The following SCAF4 variants were observed in gnomAD, a reference collection of about 807,000 sequenced individuals.
SCAF4 encodes the protein SR-related CTD associated factor 4, also known as SR-related and CTD-associated factor 4.
SCAF4 carries 25 observed loss-of-function variants against 129.8 expected under a neutral mutation model. The ratio of observed to expected loss-of-function variants is 0.19; its 90% confidence interval spans 0.14 to 0.27. SCAF4 has a LOEUF of 0.27. Among genes scored for constraint, SCAF4 ranks in the 10% least tolerant of loss-of-function variants. The pLI is 1.00. For synonymous variants in SCAF4, 551 were observed against 497.7 expected (o/e 1.11, Z -1.43); for missense variants, 1,246 against 1,457.1 (o/e 0.86, Z 2.36).
At chr21:31,712,054 G>C (rs2050811046) in intron 1 of SCAF4, among the ~76,000 whole-genome samples, 1 of 152,026 alleles carries the variant, frequency 6.6e-6, no homozygotes, top group Non-Finnish European at 1.5e-5. Context: ...TTATGTTTTA[G>C]AACTCAATTT....
Position 31,700,046 on chromosome 21 carries a change from G to A in SCAF4, c.777+949C>T, listed in dbSNP as rs556837966. On this transcript the variant is annotated intron_variant, in intron 7 of 19. Coordinates refer to ENST00000286835, the MANE Select transcript of SCAF4 (RefSeq NM_020706.2). ...CACAATCATGGCTTACTGCAGCTTT[G>A]AATTCCTGGGGCCAAGCAACCCACC... 9.2e-5 allele frequency among the ~76,000 whole-genome samples: 14 copies of A among 151,760 alleles called. No homozygotes were observed. In the South Asian group the frequency reaches 2.9e-3, roughly 32 times the overall value.
chr21:31,689,427 A>G (rs953471416), intron 15 of SCAF4, among the ~76,000 whole-genome samples: 2 of 149,584 alleles, frequency 1.3e-5, no homozygotes, highest in Admixed American at 1.3e-4. Flanking sequence ...CGTTCCAAGT[A>G]GCTGGGATTA....
At chr21:31,723,085 G>A (rs1031298601) in intron 1 of SCAF4, among the ~76,000 whole-genome samples, 14 of 152,220 alleles carry the variant, frequency 9.2e-5, no homozygotes, top group African/African-American at 2.2e-4. Flanking sequence ...ATTTGTGTAT[G>A]TGTTGCTGTA....
At position 31,671,688 on chromosome 21, in the gene SCAF4, C is replaced by T. The variant is rs1450213621; in HGVS notation, c.3155G>A (p.Arg1052His). Residue 1052 changes from arginine (R) to histidine (H), a missense_variant, in exon 20 of 20, where the codon CGC (arginine) becomes CAC (histidine). Arg to His is a conservative substitution (Grantham distance 29, BLOSUM62 0). This residue lies in a region of SCAF4 where 339 missense variants were observed against 325.0 expected (regional missense o/e 1.04). Transcript: ENST00000286835. Reference protein sequence around the residue: ...RHRDLEERNRRSSGHRDRERD... With the variant: ...RHRDLEERNRHSSGHRDRERD... Reference sequence around the variant, plus strand: ...CTCTCTGTCTCGATGCCCACTAGAGCGTCTATTTCTCTCTTCCAAGTCTCT... The same window carrying T: ...CTCTCTGTCTCGATGCCCACTAGAGTGTCTATTTCTCTCTTCCAAGTCTCT... The T allele has an allele frequency of 6.2e-7, 1 of 1,613,800 alleles. No individual in the cohort carries two copies.
intron 19 of SCAF4, among the ~76,000 whole-genome samples, chr21:31,677,027 A>AT (rs1208323536): frequency 6.6e-6 from 1 of 152,058 alleles, no homozygotes; most frequent in African/African-American, 2.4e-5. Flanking sequence ...TAAGTCCTTC[A>AT]TTTTTTATTA....
chr21:31,687,120 AATG>A (rs1399750588), intron 16 of SCAF4, among the ~76,000 whole-genome samples: 1 of 152,214 alleles, frequency 6.6e-6, no homozygotes, highest in East Asian at 1.9e-4. Flanking sequence ...ACATTGAGAA[AATG>A]AAGACACAAT....
chr21:31,696,901 T>C (rs917364312), intron 7 of SCAF4, 151 bp from the exon 8 acceptor site: 36 of 615,264 alleles, frequency 5.9e-5, no homozygotes, highest in African/African-American at 4.8e-4. Context: ...GGACCTTGGT[T>C]TGTAGATATA....
rs755768618 is a variant in SCAF4, at chr21:31,671,353, T to C, written c.*46A>G. 6.3e-7 allele frequency: 1 copy of C among 1,582,258 alleles called. No individual in the cohort carries two copies. Among genetic ancestry groups the C allele is most frequent in the Non-Finnish European group, 8.6e-7 (1 of 1,163,974 alleles). On this transcript the variant is annotated 3_prime_UTR_variant, in exon 20 of 20. Transcript: ENST00000286835. ...TACAGCATCTGTACACCTCAAGCTCTACACTCCAGGAAGTGTCACTGTCAC... is the reference window on the plus strand; with the variant it reads ...TACAGCATCTGTACACCTCAAGCTCCACACTCCAGGAAGTGTCACTGTCAC...
At chr21:31,691,689 AAAG>A in intron 14 of SCAF4, 125 bp downstream of exon 14, 5 of 394,352 alleles carry the variant, frequency 1.3e-5, no homozygotes, top group Non-Finnish European at 9.0e-6. Flanking sequence ...AAAAAAAAAA[AAAG>A]ATGCACATGA....
intron 1 of SCAF4, among the ~76,000 whole-genome samples, chr21:31,721,722 A>ATTT (rs1310255256): frequency 3.5e-5 from 5 of 141,968 alleles, no homozygotes; most frequent in Non-Finnish European, 7.7e-5. Context: ...AGCAAGAGCA[A>ATTT]TTCTTTTTTT....
intron 4 of SCAF4, among the ~76,000 whole-genome samples, chr21:31,703,077 T>C (rs1332791045): frequency 6.6e-6 from 1 of 152,172 alleles, no homozygotes; most frequent in Non-Finnish European, 1.5e-5. Context: ...AAGCCAACTG[T>C]ATATATAAGG....
intron 16 of SCAF4, among the ~76,000 whole-genome samples, chr21:31,687,703 A>G (rs1244965384): frequency 9.6e-6 from 1 of 103,654 alleles, no homozygotes; most frequent in Non-Finnish European, 2.3e-5. Flanking sequence ...TCAGGACACA[A>G]AGTCCCTGAA....
rs757937140 is a variant in SCAF4, at chr21:31,691,798, A to G, written c.1728+19T>C. 3.0e-6 allele frequency: 4 copies of G among 1,332,782 alleles called. No individual in the cohort carries two copies. The African/African-American group carries it at 4.5e-5, about 15-fold the overall frequency. The allele number at this position is 1,332,782 out of a possible 1,614,324, so 82.6% of individuals were successfully genotyped here. On this transcript the variant is annotated intron_variant, in intron 14 of 19. Coordinates refer to ENST00000286835, the MANE Select transcript of SCAF4 (RefSeq NM_020706.2). Reference sequence around the variant, plus strand: ...TGCCTATTTAAAAAAAAAATTAATTATAACATGTAAGACTGTACCTTTATG... The same window carrying G: ...TGCCTATTTAAAAAAAAAATTAATTGTAACATGTAAGACTGTACCTTTATG...
chr21:31,706,046 G>C (rs1336867506), intron 2 of SCAF4, among the ~76,000 whole-genome samples: 3 of 152,134 alleles, frequency 2.0e-5, no homozygotes, highest in Non-Finnish European at 4.4e-5. Context: ...TTCCAGCCTG[G>C]GTGGCGCAGT....
At chr21:31,698,064 A>T (rs905736640) in intron 7 of SCAF4, among the ~76,000 whole-genome samples, 3 of 152,220 alleles carry the variant, frequency 2.0e-5, no homozygotes, top group Non-Finnish European at 4.4e-5. Flanking sequence ...AATCTGGTCA[A>T]AGTCGCCTAT....
At chr21:31,722,369 G>A (rs1311238638) in intron 1 of SCAF4, among the ~76,000 whole-genome samples, 1 of 152,066 alleles carries the variant, frequency 6.6e-6, no homozygotes, top group Non-Finnish European at 1.5e-5. Flanking sequence ...TGTTTAAATA[G>A]TATATTCAAA....
chr21:31,704,610 G>C (rs1313879783), intron 3 of SCAF4, among the ~76,000 whole-genome samples: 2 of 151,260 alleles, frequency 1.3e-5, no homozygotes, highest in Non-Finnish European at 2.9e-5. Context: ...GGAGTATTTT[G>C]CAACTGTTTA....
At chr21:31,703,649 C>T in intron 4 of SCAF4, 116 bp downstream of exon 4, 3 of 557,860 alleles carry the variant, frequency 5.4e-6, no homozygotes, top group Non-Finnish European at 9.2e-6. Flanking sequence ...TTCAAGCTCA[C>T]AGACATCGCT....
At chr21:31,715,094 G>A (rs1338388544) in intron 1 of SCAF4, among the ~76,000 whole-genome samples, 1 of 152,118 alleles carries the variant, frequency 6.6e-6, no homozygotes, top group Non-Finnish European at 1.5e-5. Context: ...ACACTTTTGA[G>A]GTCAGAATCT....
Sources: gnomAD v4.1 joint callset for allele counts (sites outside exome capture counted in the v4.1 genomes callset) on GRCh38, gnomAD v4.1.1 for gene constraint, gnomAD v4.1.1 regional missense constraint, MANE v1.5 for transcripts, NCBI Gene and HGNC (gene_info 2026-07-23, HGNC 2026-07-21) for gene names.